The following YWHAQ variants were observed in gnomAD, a reference collection of about 807,000 sequenced individuals.
YWHAQ encodes tyrosine 3-monooxygenase/tryptophan 5-monooxygenase activation protein theta.
Under a neutral mutation model 28.3 loss-of-function variants are expected in YWHAQ, and 6 were observed. That is an observed-to-expected ratio of 0.21 (90% CI 0.12 to 0.42). The LOEUF (loss-of-function observed/expected upper bound fraction) is 0.42. Among genes scored for constraint, YWHAQ ranks in the 10% least tolerant of loss-of-function variants. The pLI is 1.00. For synonymous variants in YWHAQ, 143 were observed against 119.1 expected (o/e 1.20, Z -1.31); for missense variants, 201 against 305.6 (o/e 0.66, Z 2.55).
intron 2 of YWHAQ, among the ~76,000 whole-genome samples, chr2:9,616,152 C>A (rs1169252246): frequency 6.6e-6 from 1 of 152,118 alleles, no homozygotes; most frequent in East Asian, 1.9e-4. Context: ...CATGAGTTTT[C>A]CTTATACCCA....
chr2:9,625,814 G>A (rs1383184764), intron 2 of YWHAQ, among the ~76,000 whole-genome samples: 1 of 151,482 alleles, frequency 6.6e-6, no homozygotes, highest in African/African-American at 2.5e-5. Context: ...ATTTACAGAA[G>A]AGAGAGAGTC....
At chr2:9,606,228 C>T (rs1666824820) in intron 2 of YWHAQ, among the ~76,000 whole-genome samples, 1 of 152,058 alleles carries the variant, frequency 6.6e-6, no homozygotes, top group Non-Finnish European at 1.5e-5. Context: ...ATAAATGTTC[C>T]CATTTCTCAA....
At chr2:9,594,929 G>T (rs1666539314) in intron 2 of YWHAQ, among the ~76,000 whole-genome samples, 1 of 152,210 alleles carries the variant, frequency 6.6e-6, no homozygotes, top group Admixed American at 6.5e-5. Context: ...TCAGAAAGCT[G>T]CCAAACAGCT....
At chr2:9,600,742 T>C (rs1216765674) in intron 2 of YWHAQ, among the ~76,000 whole-genome samples, 1 of 151,990 alleles carries the variant, frequency 6.6e-6, no homozygotes, top group African/African-American at 2.4e-5. Context: ...AAATCTTTTG[T>C]GAAAGGAAGC....
chr2:9,613,582 G>A (rs945134700), intron 2 of YWHAQ, among the ~76,000 whole-genome samples: 1 of 152,166 alleles, frequency 6.6e-6, no homozygotes, highest in Admixed American at 6.5e-5. Context: ...GAGAATCCAA[G>A]ACTCTAAATA....
At position 9,596,651 on chromosome 2, in the gene YWHAQ, A is replaced by C. The variant is rs138485824; in HGVS notation, c.295-5136T>G. Among the ~76,000 whole-genome samples the C allele has an allele frequency of 1.5e-3, 229 of 152,276 alleles. 1 individual carries two copies. Among genetic ancestry groups the C allele is most frequent in the African/African-American group, 5.3e-3 (222 of 41,534 alleles). ...TATCAGTTAACCAGCATATTAATAG[A>C]CCCTAAAATGGAGCATTTCTAAGAA... On this transcript the variant is annotated intron_variant, in intron 2 of 5. Transcript: ENST00000238081.
intron 2 of YWHAQ, among the ~76,000 whole-genome samples, chr2:9,593,448 A>G (rs111967645): frequency 0.025 from 3,783 of 152,080 alleles, 112 homozygotes; most frequent in African/African-American, 0.071. Flanking sequence ...ACCTCAAGTG[A>G]TCTGCCCACC....
At chr2:9,595,681 A>G (rs1572989575) in intron 2 of YWHAQ, among the ~76,000 whole-genome samples, 1 of 148,518 alleles carries the variant, frequency 6.7e-6, no homozygotes, top group African/African-American at 2.5e-5. Context: ...CTGGGCAACA[A>G]GAGCAAAATT....
intron 2 of YWHAQ, among the ~76,000 whole-genome samples, chr2:9,596,261 C>A (rs970671727): frequency 9.3e-5 from 14 of 150,266 alleles, no homozygotes; most frequent in Non-Finnish European, 1.9e-4. Flanking sequence ...AACAACAAAA[C>A]CCCCATACGA....
intron 2 of YWHAQ, among the ~76,000 whole-genome samples, chr2:9,592,203 G>A (rs2125063177): frequency 6.6e-6 from 1 of 152,252 alleles, no homozygotes; most frequent in African/African-American, 2.4e-5. Flanking sequence ...GAGAGTAAGA[G>A]GTTTAGAAAC....
Position 9,593,906 on chromosome 2 carries a change from AT to A in YWHAQ, c.295-2392del, listed in dbSNP as rs200115013. On this transcript the variant is annotated intron_variant, in intron 2 of 5. Coordinates refer to ENST00000238081, the MANE Select transcript of YWHAQ (RefSeq NM_006826.4). ...AAATATTTTAAATAGATTAAAAAAA[AT>A]ATATATATATATATATACACACACA... Among the ~76,000 whole-genome samples, 484 of 99,174 alleles carry A rather than the reference AT, an allele frequency of 4.9e-3. 5 individuals are homozygous for A. The highest frequency in any genetic ancestry group is 0.017 in the African/African-American group (290 of 16,984). 65.1% of individuals were successfully genotyped at this position (99,174 alleles called of 152,430 possible).
chr2:9,621,768 C>A (rs1253776648), intron 2 of YWHAQ, among the ~76,000 whole-genome samples: 3 of 152,104 alleles, frequency 2.0e-5, no homozygotes, highest in African/African-American at 7.2e-5. Context: ...TTCACAATAG[C>A]AAAGACTTGG....
Position 9,587,475 on chromosome 2 carries a change from A to G in YWHAQ, c.617T>C (p.Leu206Pro), listed in dbSNP as rs1185622539. Residue 206 changes from leucine (L) to proline (P), a missense_variant, in exon 5 of 6, where the codon CTG becomes CCG. Leu to Pro is a moderately conservative substitution (Grantham distance 98, BLOSUM62 -3). This residue lies in a region of YWHAQ where 39 missense variants were observed against 91.7 expected (regional missense o/e 0.43). Coordinates refer to ENST00000238081, the MANE Select transcript of YWHAQ (RefSeq NM_006826.4). ...FDEAIAELDT[L>P]NEDSYKDSTL... is the part of the protein sequence containing the mutation. ...GCTGTCTTTGTATGAGTCTTCATTCAGTGTATCAAGTTCAGCAATGGCCTC... is the reference window on the plus strand; with the variant it reads ...GCTGTCTTTGTATGAGTCTTCATTCGGTGTATCAAGTTCAGCAATGGCCTC... The G allele has an allele frequency of 6.2e-7, 1 of 1,609,974 alleles. No homozygotes were observed.
chr2:9,588,359 A>G (rs1286815076), intron 3 of YWHAQ, 31 bp from the exon 4 acceptor site: 3 of 1,599,828 alleles, frequency 1.9e-6, no homozygotes, highest in Non-Finnish European at 2.6e-6. Flanking sequence ...GAAGTGCAAT[A>G]TTAAAAATAA....
Position 9,630,639 on chromosome 2 carries a change from T to G in YWHAQ, c.-82-105A>C. Reference sequence around the variant, plus strand: ...TTTGTCTCCCGCACACGCGGCCGCTTGAATTTCCCTCTCCCCCGCCCCCTC... The same window carrying G: ...TTTGTCTCCCGCACACGCGGCCGCTGGAATTTCCCTCTCCCCCGCCCCCTC... On this transcript the variant is annotated intron_variant, in intron 1 of 5. Coordinates refer to ENST00000238081, the MANE Select transcript of YWHAQ (RefSeq NM_006826.4). This position sits in a 1 kb window ranked among gnomAD's most constrained non-coding sequence, Gnocchi z 5.6. The G allele has an allele frequency of 1.8e-6, 1 of 548,142 alleles. No individual in the cohort carries two copies. Among genetic ancestry groups the G allele is most frequent in the Non-Finnish European group, 3.1e-6 (1 of 326,790 alleles). 34.0% of individuals were successfully genotyped at this position (548,142 alleles called of 1,614,324 possible).
rs1410576904 is a variant in YWHAQ at position 9,587,492 on chromosome 2, A to C, written c.600T>G (p.Ile200Met). The change falls in exon 5 of 6, where the codon ATT becomes ATG. Residue 200 changes from isoleucine (I) to methionine (M), a missense_variant. By Grantham distance (10) the Ile-to-Met change is conservative. Around this residue, in one of 2 missense-constraint regions of YWHAQ, gnomAD observed 39 missense variants for 91.7 expected, o/e 0.43. Coordinates refer to ENST00000238081, the MANE Select transcript of YWHAQ (RefSeq NM_006826.4). Reference protein sequence around the residue: ...TLAKTAFDEAIAELDTLNEDS... With the variant: ...TLAKTAFDEAMAELDTLNEDS... ...CTTCATTCAGTGTATCAAGTTCAGC[A>C]ATGGCCTCATCAAAAGCCTGATAAA... is the stretch of plus-strand genomic sequence containing the variant. 6.2e-7 allele frequency: 1 copy of C among 1,605,368 alleles called. No individual in the cohort carries two copies. Among genetic ancestry groups the C allele is most frequent in the Non-Finnish European group, 8.5e-7 (1 of 1,175,070 alleles).
intron 2 of YWHAQ, among the ~76,000 whole-genome samples, chr2:9,613,997 T>C (rs950878550): frequency 7.9e-5 from 12 of 152,156 alleles, no homozygotes; most frequent in Non-Finnish European, 2.9e-5. Context: ...AATCAGAGTG[T>C]TTGTTCCTTC....
chr2:9,615,399 T>C (rs1046821755), intron 2 of YWHAQ: 9 of 105,698 alleles, frequency 8.5e-5, no homozygotes, highest in African/African-American at 3.3e-4. Flanking sequence ...ATTCAGAAAA[T>C]AATAAAAAGA....
chr2:9,587,009 T>C (rs1666355089), intron 5 of YWHAQ, among the ~76,000 whole-genome samples: 1 of 152,218 alleles, frequency 6.6e-6, no homozygotes, highest in African/African-American at 2.4e-5. Flanking sequence ...TAGAACATCA[T>C]GCACAATTCA....
Sources: gnomAD v4.1 joint callset for allele counts (sites outside exome capture counted in the v4.1 genomes callset) on GRCh38, gnomAD v4.1.1 for gene constraint, gnomAD v4.1.1 regional missense constraint, Gnocchi (gnomAD v3.1) non-coding constraint, MANE v1.5 for transcripts, NCBI Gene and HGNC (gene_info 2026-07-23, HGNC 2026-07-21) for gene names.